The following ZNF500 variants were observed in gnomAD, a reference collection of about 807,000 sequenced individuals.
The protein encoded by ZNF500 is zinc finger protein 500, also known as zinc finger protein with KRAB and SCAN domains 18.
A neutral mutation model predicts 30.1 loss-of-function variants in ZNF500; 31 were observed. The ratio of observed to expected loss-of-function variants is 1.03; its 90% CI spans 0.77 to 1.39. The LOEUF (loss-of-function observed/expected upper bound fraction) is 1.39. Among genes scored for constraint, ZNF500 ranks in the 40% most tolerant of loss-of-function variants. The pLI is 0.00. For missense variants in ZNF500, 817 were observed against 657.8 expected (o/e 1.24, Z -2.65); for synonymous variants, 392 against 282.0 (o/e 1.39, Z -3.91).
intron 5 of ZNF500, among the ~76,000 whole-genome samples, chr16:4,758,146 C>G (rs948330842): frequency 3.3e-5 from 5 of 152,070 alleles, no homozygotes; most frequent in African/African-American, 1.2e-4. Context: ...GATAAACACT[C>G]GCCTCGGCTT....
In ZNF500 at chr16:4,765,522, G is replaced by A. The variant is rs756744402; in HGVS notation, c.414+43C>T. The stretch of plus-strand genomic sequence containing the variant: ...TCTGCAGCTGCAGACCCCAGCAGCA[G>A]GGCCCCATTTCCTCACCTGAGGGTC... On this transcript the variant is annotated intron_variant, in intron 2 of 5. Coordinates refer to ENST00000219478, the MANE Select transcript of ZNF500 (RefSeq NM_021646.4). 47 of 1,540,470 alleles carry A rather than the reference G, an allele frequency of 3.1e-5. No individual in the cohort carries two copies. In the East Asian group the frequency reaches 5.0e-4, roughly 16 times the overall value.
intron 2 of ZNF500, 72 bp downstream of exon 2, chr16:4,765,493 G>A: frequency 6.6e-7 from 1 of 1,517,274 alleles, no homozygotes; most frequent in Admixed American, 2.2e-5. Flanking sequence ...CAATGACCAA[G>A]GAATCTGCAG....
rs757581776 is a variant in ZNF500, at chr16:4,765,942, A to T, written c.37T>A (p.Leu13Met). The T allele has an allele frequency of 5.0e-6, 8 of 1,593,808 alleles. No homozygotes were observed. Among genetic ancestry groups the T allele is most frequent in the Non-Finnish European group, 6.8e-6 (8 of 1,171,068 alleles). The part of the protein sequence containing the change: ...TVPGLQPLPT[L>M]EQDLEQEEIL... ...TCTTCCTGTTCCAGGTCCTGCTCCA[A>T]GGTTGGCAGGGGCTGGAGGCCAGGG... Residue 13 changes from leucine (L) to methionine (M), a missense_variant, in exon 2 of 6, where the codon TTG becomes ATG. Transcript: ENST00000219478.
intron 5 of ZNF500, among the ~76,000 whole-genome samples, chr16:4,754,508 A>T (rs1332866622): frequency 3.3e-5 from 5 of 151,918 alleles, no homozygotes. Flanking sequence ...TATTAAAAAT[A>T]AAAAAATTAG....
chr16:4,749,450 T>C lies in ZNF500; in HGVS notation c.*2926A>G, dbSNP rs1164307068. 1 of 154,464 alleles carries C rather than the reference T, an allele frequency of 6.5e-6. No homozygotes were observed. Among genetic ancestry groups the C allele is most frequent in the Non-Finnish European group, 1.5e-5 (1 of 68,248 alleles). The allele number at this position is 154,464 out of a possible 1,614,324, so 9.6% of individuals were successfully genotyped here. The stretch of plus-strand genomic sequence containing the variant: ...GGGGAGTGAGGTAGGAAGTCAGACC[T>C]GCGTCCAAAGCTGGCTCTGCCACCT... On this transcript the variant is annotated 3_prime_UTR_variant, in exon 6 of 6. Transcript: ENST00000219478.
At chr16:4,757,444 C>G (rs2082147717) in intron 5 of ZNF500, among the ~76,000 whole-genome samples, 1 of 152,028 alleles carries the variant, frequency 6.6e-6, no homozygotes, top group Non-Finnish European at 1.5e-5. Context: ...TCTCAAGCAG[C>G]TGGGACTACA....
chr16:4,753,252 G>A, intron 5 of ZNF500, 194 bp from the exon 6 acceptor site: 1 of 1,157,010 alleles, frequency 8.6e-7, no homozygotes, highest in Non-Finnish European at 1.1e-6. Context: ...CTTGAGCCCA[G>A]GAGTTCAAGA....
chr16:4,755,476 C>T (rs2082126534), intron 5 of ZNF500, among the ~76,000 whole-genome samples: 1 of 151,996 alleles, frequency 6.6e-6, no homozygotes, highest in Non-Finnish European at 1.5e-5. Context: ...GCCACCACAC[C>T]CAGCCAATTT....
intron 2 of ZNF500, among the ~76,000 whole-genome samples, chr16:4,764,639 G>A (rs1390280729): frequency 1.3e-5 from 2 of 151,690 alleles, no homozygotes; most frequent in African/African-American, 2.4e-5. Flanking sequence ...AAAATTAGCC[G>A]GGCGTGGTGG....
Position 4,752,166 on chromosome 16 carries a change from G to C in ZNF500, c.*210C>G, listed in dbSNP as rs565579328. 6 of 1,386,374 alleles carry C rather than the reference G, an allele frequency of 4.3e-6. No individual in the cohort carries two copies. In the South Asian group the frequency reaches 7.5e-5, roughly 17 times the overall value. 85.9% of individuals were successfully genotyped at this position (1,386,374 alleles called of 1,614,324 possible). ...GTGTCACCTGTTCTGGCTGCCACTGGACACTCAGAGCCTGTCCTTGCCCTT... is the reference window on the plus strand; with the variant it reads ...GTGTCACCTGTTCTGGCTGCCACTGCACACTCAGAGCCTGTCCTTGCCCTT... On this transcript the variant is annotated 3_prime_UTR_variant, in exon 6 of 6. Transcript: ENST00000219478.
intron 1 of ZNF500, among the ~76,000 whole-genome samples, chr16:4,766,713 A>T (rs1334080367): frequency 6.6e-6 from 1 of 152,174 alleles, no homozygotes; most frequent in Non-Finnish European, 1.5e-5. Context: ...TTCCTTTGGA[A>T]ATCTGATGAA....
downstream of ZNF500, chr16:4,747,466 A>C: frequency 5.0e-6 from 8 of 1,613,272 alleles, no homozygotes; most frequent in Non-Finnish European, 6.8e-6. Context: ...CTGAAGACAC[A>C]GCTGGATCAC....
At chr16:4,747,578 C>G (rs770512545), downstream of ZNF500, 5 of 1,610,530 alleles carry the variant, frequency 3.1e-6, no homozygotes, top group South Asian at 1.1e-5. Flanking sequence ...TGTTCCTGAG[C>G]CAGGGGCAGC....
rs962545501 is a variant in ZNF500 at position 4,765,901 on chromosome 16, C to T, written c.78G>A (p.Lys26=). 2 of 1,612,914 alleles carry T rather than the reference C, an allele frequency of 1.2e-6. No homozygotes were observed. The highest frequency in any genetic ancestry group is 1.7e-5 in the Admixed American group (1 of 59,866). The part of the protein sequence containing the change: ...DLEQEEILIV[K]VEEDFCLEEE... Reference sequence around the variant, plus strand: ...CTTCCAAGCAGAAGTCCTCCTCCACCTTCACAATCAGGATCTCTTCCTGTT... The same window carrying T: ...CTTCCAAGCAGAAGTCCTCCTCCACTTTCACAATCAGGATCTCTTCCTGTT... Residue 26 remains lysine, a synonymous_variant, in exon 2 of 6, where the codon AAG becomes AAA. Transcript: ENST00000219478.
At position 4,758,949 on chromosome 16, in the gene ZNF500, C is replaced by A. The variant is rs566899569; in HGVS notation, c.760+1543G>T. Among the ~76,000 whole-genome samples, 27 of 152,310 alleles carry A rather than the reference C, an allele frequency of 1.8e-4. No individual in the cohort carries two copies. The South Asian group carries it at 5.6e-3, about 32-fold the overall frequency. On this transcript the variant is annotated intron_variant, in intron 5 of 5. Transcript: ENST00000219478. ...ATCAGGCCAGGTGCGGTAGCTCACGCCTGTAATCCCAGCACTTAGGGAGGC... is the reference window on the plus strand; with the variant it reads ...ATCAGGCCAGGTGCGGTAGCTCACGACTGTAATCCCAGCACTTAGGGAGGC...
In ZNF500 at chr16:4,759,647, C is replaced by T. The variant is rs185091071; in HGVS notation, c.760+845G>A. Among the ~76,000 whole-genome samples the T allele has an allele frequency of 3.3e-3, 502 of 152,176 alleles. 4 individuals are homozygous for T. The highest frequency in any genetic ancestry group is 5.3e-3 in the Non-Finnish European group (362 of 67,950). On this transcript the variant is annotated intron_variant, in intron 5 of 5. Coordinates refer to ENST00000219478, the MANE Select transcript of ZNF500 (RefSeq NM_021646.4). ...CAAGGGAGCTGTCTAAGTACCCATT[C>T]CTTAAAATAAATCTGTGTGTGTGTG...
At chr16:4,761,111 A>G (rs2082194019) in intron 4 of ZNF500, among the ~76,000 whole-genome samples, 1 of 152,122 alleles carries the variant, frequency 6.6e-6, no homozygotes, top group African/African-American at 2.4e-5. Context: ...AGACTCTGGT[A>G]ATGAGTCTAG....
chr16:4,762,867 G>A, intron 2 of ZNF500, 111 bp from the exon 3 acceptor site: 2 of 1,440,826 alleles, frequency 1.4e-6, no homozygotes, highest in Non-Finnish European at 9.1e-7. Flanking sequence ...CCCACCCCCG[G>A]GCTGTCTGCA....
chr16:4,755,550 C>T, intron 5 of ZNF500, among the ~76,000 whole-genome samples: 1 of 152,166 alleles, frequency 6.6e-6, no homozygotes, highest in East Asian at 1.9e-4. Context: ...CTCCTGACCT[C>T]AGGTGACCCA....
Sources: allele counts gnomAD v4.1 joint callset (sites outside exome capture counted in the v4.1 genomes callset), GRCh38; gene constraint gnomAD v4.1.1; transcripts MANE v1.5; gene names NCBI Gene and HGNC (gene_info 2026-07-23, HGNC 2026-07-21).